Variants in P2RY8 observed in about 807,000 individuals in gnomAD.
P2RY8 encodes the protein S-geranylgeranyl-glutathione receptor P2RY8.
A neutral mutation model predicts 10.0 loss-of-function variants in P2RY8; 6 were observed. The ratio of observed to expected loss-of-function variants is 0.60; its 90% confidence interval spans 0.33 to 1.19. The LOEUF is 1.19. Among genes scored for constraint, P2RY8 ranks in the 50% most tolerant of loss-of-function variants. The pLI, the probability that P2RY8 is intolerant of heterozygous loss-of-function variation, is 0.04. For synonymous variants in P2RY8, 276 were observed against 252.5 expected (o/e 1.09, Z -0.88); for missense variants, 456 against 542.0 (o/e 0.84, Z 1.58).
intron 1 of P2RY8, among the ~76,000 whole-genome samples, chrX:1,517,924 C>T (rs1204597215): frequency 6.6e-6 from 1 of 151,488 alleles, no homozygotes; most frequent in Non-Finnish European, 1.5e-5. Context: ...GCCTGGCCAA[C>T]ATGGTGAAAC....
intron 1 of P2RY8, among the ~76,000 whole-genome samples, chrX:1,501,956 A>G: frequency 6.7e-6 from 1 of 149,534 alleles, no homozygotes; most frequent in Admixed American, 6.7e-5. Flanking sequence ...TGTCACCCAG[A>G]TTGGAGTGCA....
intron 1 of P2RY8, among the ~76,000 whole-genome samples, chrX:1,470,994 G>A (rs1239688493): frequency 2.7e-5 from 4 of 149,620 alleles, no homozygotes; most frequent in South Asian, 2.1e-4. Context: ...CTGCCACCAC[G>A]CCTGGCTAAT....
intron 1 of P2RY8, among the ~76,000 whole-genome samples, chrX:1,509,769 C>G (rs1317689612): frequency 4.8e-4 from 60 of 125,038 alleles, no homozygotes; most frequent in South Asian, 1.5e-3. Flanking sequence ...ATCTATCTAT[C>G]TATCTATCTA....
At chrX:1,469,925 C>CA (rs773072899) in intron 1 of P2RY8, among the ~76,000 whole-genome samples, 2 of 151,986 alleles carry the variant, frequency 1.3e-5, no homozygotes, top group Admixed American at 1.3e-4. Context: ...AACCAACAAA[C>CA]AAAAAAACAG....
At chrX:1,475,443 C>T (rs1200055539) in intron 1 of P2RY8, among the ~76,000 whole-genome samples, 12 of 151,908 alleles carry the variant, frequency 7.9e-5, no homozygotes, top group African/African-American at 2.4e-4. Flanking sequence ...CCAACCCTGC[C>T]AATACCTTCA....
chrX:1,530,578 A>C (rs185010412), intron 1 of P2RY8, among the ~76,000 whole-genome samples: 48 of 150,722 alleles, frequency 3.2e-4, no homozygotes, highest in African/African-American at 1.1e-3. Context: ...TGATTGATCT[A>C]TCTCTCTATC....
chrX:1,535,204 T>TTTTC (rs2092514945), intron 1 of P2RY8, among the ~76,000 whole-genome samples: 1 of 145,294 alleles, frequency 6.9e-6, no homozygotes, highest in African/African-American at 2.6e-5. Context: ...TTTTTTTTTT[T>TTTTC]TGAGACAGAG....
At chrX:1,493,773 A>G (rs1603457560) in intron 1 of P2RY8, among the ~76,000 whole-genome samples, 1 of 152,250 alleles carries the variant, frequency 6.6e-6, no homozygotes, top group Non-Finnish European at 1.5e-5. Flanking sequence ...TCTCCGTTAA[A>G]ACGGACAAGA....
At chrX:1,494,534 T>C (rs1157709977) in intron 1 of P2RY8, among the ~76,000 whole-genome samples, 2 of 149,138 alleles carry the variant, frequency 1.3e-5, no homozygotes, top group African/African-American at 4.9e-5. Flanking sequence ...AATTAGGCTT[T>C]AAAAAAAAAA....
intron 1 of P2RY8, among the ~76,000 whole-genome samples, chrX:1,495,269 A>G (rs1301252991): frequency 1.3e-5 from 2 of 152,170 alleles, no homozygotes; most frequent in African/African-American, 2.4e-5. Context: ...TACAGGCTGC[A>G]TTGTACCCTC....
chrX:1,527,670 T>TCATC (rs1284953587), intron 1 of P2RY8, among the ~76,000 whole-genome samples: 2 of 152,174 alleles, frequency 1.3e-5, no homozygotes, highest in East Asian at 3.9e-4. Context: ...ATTCATTCAT[T>TCATC]CATCCACTCA....
chrX:1,524,432 T>TCCAA (rs2092416579), intron 1 of P2RY8, among the ~76,000 whole-genome samples: 1 of 143,612 alleles, frequency 7.0e-6, no homozygotes, highest in Non-Finnish European at 1.5e-5. Context: ...CATCCATCCA[T>TCCAA]CCATCCATTC....
rs148662999 is a variant in P2RY8 at position 1,465,624 on chromosome X, C to G, written c.935G>C (p.Arg312Pro). 1 of 1,613,196 alleles carries G rather than the reference C, an allele frequency of 6.2e-7. No homozygotes were observed. The highest frequency in any genetic ancestry group is 2.2e-5 in the East Asian group (1 of 44,870). ...LRLREYLGCRRVPRDTLDTRR... is the reference protein window; with the variant it reads ...LRLREYLGCRPVPRDTLDTRR... ...CGTGTCCAGGGTGTCTCTGGGCACC[C>G]GGCGGCAGCCCAAATATTCCCGCAG... is the stretch of plus-strand genomic sequence containing the variant. The change falls in exon 2 of 2, where the codon CGG (arginine) becomes CCG (proline). Residue 312 changes from arginine (R) to proline (P), a missense_variant. Coordinates refer to ENST00000381297, the MANE Select transcript of P2RY8 (RefSeq NM_178129.5).
intron 1 of P2RY8, among the ~76,000 whole-genome samples, chrX:1,535,722 C>G (rs868359521): frequency 1.6e-4 from 10 of 61,230 alleles, no homozygotes; most frequent in African/African-American, 3.2e-4. Context: ...CACAGACACA[C>G]ACACAGACAC....
At chrX:1,536,385 C>T (rs1200642250) in intron 1 of P2RY8, among the ~76,000 whole-genome samples, 1 of 152,084 alleles carries the variant, frequency 6.6e-6, no homozygotes, top group Non-Finnish European at 1.5e-5. Flanking sequence ...CCTCAGCCTC[C>T]CGAGTAGCTG....
chrX:1,474,008 T>G (rs2091840074), intron 1 of P2RY8, among the ~76,000 whole-genome samples: 1 of 128,576 alleles, frequency 7.8e-6, no homozygotes, highest in Admixed American at 7.9e-5. Flanking sequence ...AGTGGATGGA[T>G]GGGTGGGTGG....
chrX:1,482,990 GC>G (rs1286657237), intron 1 of P2RY8, among the ~76,000 whole-genome samples: 1 of 152,010 alleles, frequency 6.6e-6, no homozygotes, highest in Non-Finnish European at 1.5e-5. Context: ...TATACCTAAT[GC>G]TAAATGACGA....
At chrX:1,500,373 G>A (rs375940187) in intron 1 of P2RY8, among the ~76,000 whole-genome samples, 84 of 151,960 alleles carry the variant, frequency 5.5e-4, no homozygotes, top group African/African-American at 2.0e-3. Flanking sequence ...GAACTCCTGG[G>A]TTCTAGTGAT....
intron 1 of P2RY8, among the ~76,000 whole-genome samples, chrX:1,478,120 A>C (rs2091895706): frequency 6.6e-6 from 1 of 152,126 alleles, no homozygotes; most frequent in African/African-American, 2.4e-5. Flanking sequence ...TGTGGCCAGA[A>C]GCAATAACAA....
Sources: gnomAD v4.1 joint callset for allele counts (sites outside exome capture counted in the v4.1 genomes callset) on GRCh38, gnomAD v4.1.1 for gene constraint, MANE v1.5 for transcripts, NCBI Gene and HGNC (gene_info 2026-07-23, HGNC 2026-07-21) for gene names.